ZNF618: variants seen among roughly 807,000 people sequenced by gnomAD.
ZNF618 encodes the protein zinc finger protein 618.
ZNF618 carries 34 observed loss-of-function variants against 103.0 expected under a neutral mutation model. The observed-to-expected ratio is 0.33, with a 90% CI of 0.25 to 0.44. The LOEUF (loss-of-function observed/expected upper bound fraction) is 0.44, where lower values mean the gene tolerates loss of function less well. Among genes scored for constraint, ZNF618 ranks in the 20% least tolerant of loss-of-function variants. ZNF618 has a pLI of 1.00. For synonymous variants in ZNF618, 551 were observed against 542.2 expected (o/e 1.02, Z -0.23); for missense variants, 1,059 against 1,295.4 (o/e 0.82, Z 2.80).
chr9:113,962,586 C>T (rs1836955474), intron 1 of ZNF618, among the ~76,000 whole-genome samples: 1 of 152,230 alleles, frequency 6.6e-6, no homozygotes, highest in South Asian at 2.1e-4. Context: ...GGTATCCTGA[C>T]ATTCTTGCTG....
At chr9:114,043,264 G>A (rs1050478393) in intron 13 of ZNF618, among the ~76,000 whole-genome samples, 1 of 152,200 alleles carries the variant, frequency 6.6e-6, no homozygotes, top group Non-Finnish European at 1.5e-5. Context: ...GAGATTCTGA[G>A]CTGTAAGGTA....
In ZNF618 at chr9:114,028,823, C is replaced by T; in HGVS notation, c.935C>T (p.Ala312Val). ...PEVSPSPRFV[A>V]AKTQTNQSGK... ...GTCTCCCCATCTCCACGCTTCGTGGCAGCGAAGACCCAGACGAACCAGTCG... is the reference window on the plus strand; with the variant it reads ...GTCTCCCCATCTCCACGCTTCGTGGTAGCGAAGACCCAGACGAACCAGTCG... The change falls in exon 11 of 15, where the codon GCA becomes GTA. Residue 312 changes from alanine to valine, a missense_variant. This residue lies in a region of ZNF618 where 434 missense variants were observed against 476.0 expected (regional missense o/e 0.91). Transcript: ENST00000374126. 6.4e-7 allele frequency: 1 copy of T among 1,550,662 alleles called. No homozygotes were observed. The highest frequency in any genetic ancestry group is 2.0e-5 in the Admixed American group (1 of 51,012).
At chr9:113,973,898 TG>T (rs1398789969) in intron 2 of ZNF618, among the ~76,000 whole-genome samples, 1 of 152,226 alleles carries the variant, frequency 6.6e-6, no homozygotes, top group African/African-American at 2.4e-5. Flanking sequence ...CTCATTATTT[TG>T]TTATAGGTTG....
intron 1 of ZNF618, among the ~76,000 whole-genome samples, chr9:113,931,120 A>G (rs549041148): frequency 1.3e-5 from 2 of 152,352 alleles, no homozygotes; most frequent in South Asian, 2.1e-4. Context: ...TCTGGATGGT[A>G]TGTTGAGTAA....
intron 1 of ZNF618, among the ~76,000 whole-genome samples, chr9:113,914,062 C>A (rs138119686): frequency 2.0e-5 from 3 of 152,108 alleles, no homozygotes; most frequent in Non-Finnish European, 2.9e-5. Flanking sequence ...CCTGGACCAC[C>A]CTTTCCCCCT....
At chr9:114,019,866 T>G (rs1588364794) in intron 10 of ZNF618, among the ~76,000 whole-genome samples, 1 of 152,328 alleles carries the variant, frequency 6.6e-6, no homozygotes, top group East Asian at 1.9e-4. Flanking sequence ...CAGTTTATCA[T>G]TTTTTTCTAT....
At chr9:113,972,486 G>A (rs1463018133) in intron 2 of ZNF618, among the ~76,000 whole-genome samples, 2 of 152,080 alleles carry the variant, frequency 1.3e-5, no homozygotes, top group African/African-American at 4.8e-5. Context: ...GTAGGCAGTA[G>A]AGCCAGGAAG....
At chr9:113,928,175 T>G (rs1833265628) in intron 1 of ZNF618, among the ~76,000 whole-genome samples, 1 of 152,222 alleles carries the variant, frequency 6.6e-6, no homozygotes, top group Non-Finnish European at 1.5e-5. Context: ...ATTTTTGTTT[T>G]TTATCAGCTA....
Position 113,998,198 on chromosome 9 carries a change from C to T in ZNF618, c.338-61C>T, listed in dbSNP as rs567774850. 3 of 1,492,062 alleles carry T rather than the reference C, an allele frequency of 2.0e-6. No individual in the cohort carries two copies. The East Asian group carries it at 7.4e-5, about 37-fold the overall frequency. The allele number at this position is 1,492,062 out of a possible 1,614,324, so 92.4% of individuals were successfully genotyped here. On this transcript the variant is annotated intron_variant, in intron 3 of 14. Coordinates refer to ENST00000374126, the MANE Select transcript of ZNF618 (RefSeq NM_001318042.2). ...CAAAGTGCAGCCAACTTCGCCCCTT[C>T]CCTAACCTTCCAGGCATTCTCCAAC...
At chr9:114,026,396 G>T (rs545145709) in intron 10 of ZNF618, among the ~76,000 whole-genome samples, 2 of 152,180 alleles carry the variant, frequency 1.3e-5, no homozygotes, top group African/African-American at 4.8e-5. Flanking sequence ...AGAGGGGGCT[G>T]TGTGCCTCAG....
At chr9:113,984,172 A>G (rs1479426674) in intron 2 of ZNF618, among the ~76,000 whole-genome samples, 1 of 152,182 alleles carries the variant, frequency 6.6e-6, no homozygotes, top group Non-Finnish European at 1.5e-5. Context: ...GCTACACTGG[A>G]ATTTCGGGAA....
Position 114,050,349 on chromosome 9 carries a change from CGT to C in ZNF618, c.*188_*189del. The C allele has an allele frequency of 3.1e-6, 2 of 653,816 alleles. No homozygotes were observed. The highest frequency in any genetic ancestry group is 4.9e-6 in the Non-Finnish European group (2 of 406,112). The allele number at this position is 653,816 out of a possible 1,614,324, so 40.5% of individuals were successfully genotyped here. ...GTGTGCGTGTATGTACACAGCCACA[CGT>C]GTGTGCACGTGTCTGAACACGTGCT... On this transcript the variant is annotated 3_prime_UTR_variant, in exon 15 of 15. Transcript: ENST00000374126.
intron 1 of ZNF618, among the ~76,000 whole-genome samples, chr9:113,945,740 A>T (rs892621184): frequency 6.6e-6 from 1 of 152,198 alleles, no homozygotes; most frequent in Non-Finnish European, 1.5e-5. Flanking sequence ...TTGCCTGTAA[A>T]TTATATTTTT....
chr9:113,982,460 C>T (rs966884632), intron 2 of ZNF618, among the ~76,000 whole-genome samples: 1 of 152,114 alleles, frequency 6.6e-6, no homozygotes, highest in African/African-American at 2.4e-5. Context: ...TTAAATCTCC[C>T]TTTGTCTTAT....
chr9:114,024,197 G>T (rs1432694128), intron 10 of ZNF618, among the ~76,000 whole-genome samples: 1 of 152,088 alleles, frequency 6.6e-6, no homozygotes, highest in East Asian at 1.9e-4. Context: ...CTCTTCTGTG[G>T]TGTCTAATCT....
At chr9:113,954,445 G>A (rs1836061015) in intron 1 of ZNF618, among the ~76,000 whole-genome samples, 1 of 152,218 alleles carries the variant, frequency 6.6e-6, no homozygotes, top group Non-Finnish European at 1.5e-5. Flanking sequence ...GGACTGGGCT[G>A]TGTGGCCAGG....
At chr9:113,976,974 C>T (rs1172823426) in intron 2 of ZNF618, among the ~76,000 whole-genome samples, 1 of 152,184 alleles carries the variant, frequency 6.6e-6, no homozygotes. Context: ...CATCCCCAAG[C>T]ACCTTGTAAG....
chr9:113,988,724 C>A, intron 3 of ZNF618, 144 bp downstream of exon 3: 1 of 1,276,686 alleles, frequency 7.8e-7, no homozygotes, highest in Non-Finnish European at 1.0e-6. Flanking sequence ...AGGGAGAGAT[C>A]TCAGCTTCTT....
At chr9:113,876,529 G>T in intron 1 of ZNF618, 116 bp downstream of exon 1, 1 of 911,940 alleles carries the variant, frequency 1.1e-6, no homozygotes. Context: ...GGGCACGTTT[G>T]CGGGCTTTTT....
Sources: gnomAD v4.1 joint callset for allele counts (sites outside exome capture counted in the v4.1 genomes callset) on GRCh38, gnomAD v4.1.1 for gene constraint, gnomAD v4.1.1 regional missense constraint, MANE v1.5 for transcripts, NCBI Gene and HGNC (gene_info 2026-07-23, HGNC 2026-07-21) for gene names.